The following CSMD1 variants were observed in gnomAD, a reference collection of about 807,000 sequenced individuals.
CSMD1 encodes CUB and sushi domain-containing protein 1.
Under a neutral mutation model 417.5 loss-of-function variants are expected in CSMD1, and 213 were observed. The ratio of observed to expected loss-of-function variants is 0.51; its 90% CI spans 0.46 to 0.57. The LOEUF (loss-of-function observed/expected upper bound fraction) is 0.57. CSMD1 is among the 20% of genes least tolerant of loss of function. CSMD1 has a pLI of 0.00. For missense variants in CSMD1, 6,923 were observed against 4,529.7 expected, an observed-to-expected ratio of 1.53 and a Z score of -15.17; for synonymous variants, 2,862 against 1,736.8, an observed-to-expected ratio of 1.65 and a Z score of -16.11.
chr8:4,129,091 A>T (rs902757864), intron 3 of CSMD1, among the ~76,000 whole-genome samples: 1 of 140,326 alleles, frequency 7.1e-6, no homozygotes, highest in African/African-American at 2.6e-5. Context: ...AAAAAAAAAA[A>T]ACAAAACAAA....
At chr8:3,770,878 A>G (rs1427377839) in intron 5 of CSMD1, among the ~76,000 whole-genome samples, 1 of 152,178 alleles carries the variant, frequency 6.6e-6, no homozygotes, top group Non-Finnish European at 1.5e-5. Flanking sequence ...CATATTTTTT[A>G]GTCTCATAGC....
At chr8:3,876,917 C>T (rs1346157701) in intron 5 of CSMD1, among the ~76,000 whole-genome samples, 1 of 152,172 alleles carries the variant, frequency 6.6e-6, no homozygotes, top group Non-Finnish European at 1.5e-5. Flanking sequence ...TGTCCAGCCT[C>T]TCATGCTTGG....
intron 4 of CSMD1, among the ~76,000 whole-genome samples, chr8:4,019,761 C>T (rs1796697901): frequency 6.6e-6 from 1 of 152,104 alleles, no homozygotes; most frequent in Admixed American, 6.6e-5. Context: ...CCCAATATTT[C>T]TGTCCAAGTG....
At chr8:4,445,050 A>G (rs1053162515) in intron 2 of CSMD1, among the ~76,000 whole-genome samples, 1 of 152,208 alleles carries the variant, frequency 6.6e-6, no homozygotes, top group African/African-American at 2.4e-5. Context: ...ATCACTGCAC[A>G]TTTATGCACT....
rs555515526 is a variant in CSMD1 at position 3,960,274 on chromosome 8, T to A, written c.818+37629A>T. The stretch of plus-strand genomic sequence containing the variant: ...TGGAAACAGCAAATCCTAAGTGCCA[T>A]CTAATAAGGAATTTAGCAAATGTTA... On this transcript the variant is annotated intron_variant, in intron 5 of 69. Coordinates refer to ENST00000635120, the MANE Select transcript of CSMD1 (RefSeq NM_033225.6). 2.6e-5 allele frequency among the ~76,000 whole-genome samples: 4 copies of A among 152,192 alleles called. 1 individual carries two copies. The South Asian group carries it at 8.3e-4, about 32-fold the overall frequency.
At chr8:3,003,218 G>T (rs1029733372) in intron 52 of CSMD1, among the ~76,000 whole-genome samples, 2 of 152,158 alleles carry the variant, frequency 1.3e-5, no homozygotes, top group Non-Finnish European at 2.9e-5. Flanking sequence ...TTGAGGAAGG[G>T]AAAATTGCAT....
intron 2 of CSMD1, among the ~76,000 whole-genome samples, chr8:4,612,741 ATG>A (rs1801249060): frequency 6.6e-6 from 1 of 152,088 alleles, no homozygotes; most frequent in South Asian, 2.1e-4. Flanking sequence ...GTGTGTGCAA[ATG>A]TGTGTGTACC....
chr8:3,832,150 C>T (rs2129088224), intron 5 of CSMD1, among the ~76,000 whole-genome samples: 1 of 152,222 alleles, frequency 6.6e-6, no homozygotes, highest in South Asian at 2.1e-4. Context: ...TATGGGCCAG[C>T]CTCTGAAAAT....
intron 5 of CSMD1, among the ~76,000 whole-genome samples, chr8:3,763,962 C>G (rs1024511136): frequency 6.6e-6 from 1 of 152,124 alleles, no homozygotes. Context: ...GCCCTAGAAA[C>G]GTCCTCAATT....
intron 2 of CSMD1, among the ~76,000 whole-genome samples, chr8:4,521,552 G>C (rs1172627231): frequency 1.3e-5 from 2 of 152,122 alleles, no homozygotes; most frequent in African/African-American, 2.4e-5. Flanking sequence ...AGTGATACAT[G>C]ATATGATAGA....
intron 3 of CSMD1, among the ~76,000 whole-genome samples, chr8:4,052,940 G>C (rs960151986): frequency 1.3e-5 from 2 of 152,138 alleles, no homozygotes; most frequent in African/African-American, 4.8e-5. Flanking sequence ...TGGCTAATGA[G>C]GGTCTGAGAG....
At chr8:4,914,835 G>A (rs1284953494) in intron 1 of CSMD1, among the ~76,000 whole-genome samples, 1 of 152,118 alleles carries the variant, frequency 6.6e-6, no homozygotes, top group African/African-American at 2.4e-5. Context: ...TGGACATCAG[G>A]GAGTTTCACC....
chr8:3,867,314 T>G (rs17067808), intron 5 of CSMD1, among the ~76,000 whole-genome samples: 2 of 152,174 alleles, frequency 1.3e-5, no homozygotes, highest in Non-Finnish European at 2.9e-5. Context: ...GTCTAATGAT[T>G]ACCACAAACA....
chr8:4,175,513 C>A (rs772067241), intron 3 of CSMD1, among the ~76,000 whole-genome samples: 1 of 152,120 alleles, frequency 6.6e-6, no homozygotes, highest in Non-Finnish European at 1.5e-5. Flanking sequence ...ACAAAGACAA[C>A]TGATAGAAGC....
Position 3,032,131 on chromosome 8 carries a change from A to G in CSMD1, c.7661-2618T>C, listed in dbSNP as rs774428942. On this transcript the variant is annotated intron_variant, in intron 50 of 69. Coordinates refer to ENST00000635120, the MANE Select transcript of CSMD1 (RefSeq NM_033225.6). ...AAGAAAAGTGAGGACTGCAATAAAT[A>G]TTAATATTAAAGTCCATCTTGTCCT... Among the ~76,000 whole-genome samples, 12 of 151,968 alleles carry G rather than the reference A, an allele frequency of 7.9e-5. 1 individual carries two copies. The highest frequency in any genetic ancestry group is 7.4e-5 in the Non-Finnish European group (5 of 67,956).
At chr8:4,326,949 G>C (rs1799595254) in intron 3 of CSMD1, among the ~76,000 whole-genome samples, 2 of 152,166 alleles carry the variant, frequency 1.3e-5, no homozygotes, top group Admixed American at 6.5e-5. Context: ...GTCTACTTTG[G>C]AAGTGCAGGT....
At chr8:3,865,470 T>C (rs1805022098) in intron 5 of CSMD1, among the ~76,000 whole-genome samples, 1 of 151,346 alleles carries the variant, frequency 6.6e-6, no homozygotes, top group Admixed American at 6.6e-5. Flanking sequence ...TCTTCAGAGA[T>C]GGGAGGTGCT....
intron 1 of CSMD1, among the ~76,000 whole-genome samples, chr8:4,809,257 T>C (rs1038120910): frequency 1.3e-5 from 2 of 152,190 alleles, no homozygotes; most frequent in Admixed American, 1.3e-4. Context: ...AAAATACTTC[T>C]AATGAAGGGC....
At chr8:3,767,863 C>T (rs376402910) in intron 5 of CSMD1, among the ~76,000 whole-genome samples, 5 of 152,068 alleles carry the variant, frequency 3.3e-5, no homozygotes, top group South Asian at 2.1e-4. Context: ...TAAATAAATA[C>T]GTCTATTTAT....
Sources: allele counts gnomAD v4.1 joint callset (sites outside exome capture counted in the v4.1 genomes callset), GRCh38; gene constraint gnomAD v4.1.1; transcripts MANE v1.5; gene names NCBI Gene and HGNC (gene_info 2026-07-23, HGNC 2026-07-21).